LRRC28: variants seen among roughly 807,000 people sequenced by gnomAD.
LRRC28 encodes leucine rich repeat containing 28, also known as leucine-rich repeat-containing protein 28.
LRRC28 carries 39 observed loss-of-function variants against 45.7 expected under a neutral mutation model. The observed-to-expected ratio is 0.85, with a 90% CI of 0.66 to 1.12. The LOEUF (loss-of-function observed/expected upper bound fraction) is 1.12. LRRC28 is among the 50% of genes most tolerant of loss of function. The pLI, the probability that LRRC28 is intolerant of heterozygous loss-of-function variation, is 0.00. For synonymous variants in LRRC28, 206 were observed against 178.8 expected, an observed-to-expected ratio of 1.15 and a Z score of -1.22; for missense variants, 435 against 438.5, an observed-to-expected ratio of 0.99 and a Z score of 0.07.
At chr15:99,295,893 T>G (rs1161391471) in intron 5 of LRRC28, among the ~76,000 whole-genome samples, 1 of 152,228 alleles carries the variant, frequency 6.6e-6, no homozygotes, top group Non-Finnish European at 1.5e-5. Flanking sequence ...TAAAATTTAC[T>G]TTTTCTCCAG....
At chr15:99,311,175 C>T (rs886358330) in intron 5 of LRRC28, among the ~76,000 whole-genome samples, 1 of 152,060 alleles carries the variant, frequency 6.6e-6, no homozygotes, top group African/African-American at 2.4e-5. Context: ...GTCTTGGGGA[C>T]ATGGAATAAA....
intron 2 of LRRC28, chr15:99,258,887 A>G: frequency 1.4e-6 from 1 of 712,296 alleles, no homozygotes; most frequent in Admixed American, 1.8e-5. Context: ...CTTCCGTGAT[A>G]CGATGCCTAA....
intron 5 of LRRC28, among the ~76,000 whole-genome samples, chr15:99,316,177 A>C (rs886223266): frequency 1.3e-5 from 2 of 152,204 alleles, no homozygotes; most frequent in African/African-American, 4.8e-5. Context: ...ATATTTCTGA[A>C]TGTAAGGTTA....
chr15:99,363,463 CAT>C, intron 9 of LRRC28, 198 bp downstream of exon 9: 2 of 543,542 alleles, frequency 3.7e-6, no homozygotes, highest in South Asian at 5.1e-5. Flanking sequence ...ATTTTTTGGT[CAT>C]GTGCTGGACA....
At chr15:99,284,864 G>A (rs775439079) in intron 3 of LRRC28, 102 of 567,428 alleles carry the variant, frequency 1.8e-4, no homozygotes, top group Admixed American at 1.3e-3. Flanking sequence ...CATCCCCACT[G>A]CCACCATATC....
At chr15:99,372,604 C>G (rs1048826330) in intron 9 of LRRC28, among the ~76,000 whole-genome samples, 3 of 152,160 alleles carry the variant, frequency 2.0e-5, no homozygotes, top group Non-Finnish European at 2.9e-5. Flanking sequence ...AGTACACAGC[C>G]TTGGGATTTA....
intron 2 of LRRC28, among the ~76,000 whole-genome samples, chr15:99,262,784 C>T (rs2081232667): frequency 1.3e-5 from 2 of 151,654 alleles, no homozygotes; most frequent in African/African-American, 4.8e-5. Context: ...GCTGGGACTA[C>T]AAGCACACAC....
chr15:99,257,405 ATGTT>A (rs1218210905), intron 2 of LRRC28, among the ~76,000 whole-genome samples: 1 of 152,174 alleles, frequency 6.6e-6, no homozygotes, highest in East Asian at 1.9e-4. Context: ...AGATTTTCCC[ATGTT>A]TGTTCTTTAT....
At chr15:99,337,681 C>A (rs1452731782) in intron 6 of LRRC28, among the ~76,000 whole-genome samples, 1 of 152,234 alleles carries the variant, frequency 6.6e-6, no homozygotes, top group African/African-American at 2.4e-5. Flanking sequence ...AGAGGGTCTG[C>A]TCTGCACTTT....
At chr15:99,290,386 C>G (rs902264207) in intron 5 of LRRC28, among the ~76,000 whole-genome samples, 3 of 151,924 alleles carry the variant, frequency 2.0e-5, no homozygotes, top group African/African-American at 7.3e-5. Context: ...AAATTTTTGA[C>G]ACAATACAGG....
chr15:99,311,583 G>A (rs1280874979), intron 5 of LRRC28, among the ~76,000 whole-genome samples: 1 of 152,134 alleles, frequency 6.6e-6, no homozygotes, highest in Non-Finnish European at 1.5e-5. Context: ...ATCTTAACAT[G>A]GGTTGGCAAA....
chr15:99,294,094 A>G (rs548988896), intron 5 of LRRC28, among the ~76,000 whole-genome samples: 8 of 152,148 alleles, frequency 5.3e-5, no homozygotes, highest in Non-Finnish European at 1.2e-4. Flanking sequence ...TGACTGCATT[A>G]AGATTTCTCT....
chr15:99,383,157 A>G (rs777969887), intron 9 of LRRC28, among the ~76,000 whole-genome samples: 20 of 151,902 alleles, frequency 1.3e-4, no homozygotes, highest in Non-Finnish European at 2.5e-4. Flanking sequence ...AGGCTTATCT[A>G]CTTTCTGTCT....
intron 5 of LRRC28, among the ~76,000 whole-genome samples, chr15:99,324,492 G>A (rs1224345631): frequency 1.3e-5 from 2 of 152,114 alleles, no homozygotes; most frequent in Admixed American, 1.3e-4. Flanking sequence ...ACTCTCTGTG[G>A]TCACTAGCTT....
chr15:99,330,143 G>A (rs1353685191), intron 5 of LRRC28, among the ~76,000 whole-genome samples: 1 of 152,046 alleles, frequency 6.6e-6, no homozygotes, highest in Non-Finnish European at 1.5e-5. Flanking sequence ...TTTCAGGATT[G>A]TGATTTTCAT....
At chr15:99,285,668 A>T in intron 3 of LRRC28, 1 of 598,250 alleles carries the variant, frequency 1.7e-6, no homozygotes, top group South Asian at 2.0e-5. Context: ...TCTTGATTAT[A>T]TGTAGATAAT....
chr15:99,271,162 G>A (rs1485667959), intron 2 of LRRC28, among the ~76,000 whole-genome samples: 1 of 152,146 alleles, frequency 6.6e-6, no homozygotes, highest in Non-Finnish European at 1.5e-5. Context: ...CTGGATGCTA[G>A]ACCTTTGCCA....
At chr15:99,288,258 A>G (rs1385450279) in intron 5 of LRRC28, among the ~76,000 whole-genome samples, 1 of 152,134 alleles carries the variant, frequency 6.6e-6, no homozygotes, top group East Asian at 1.9e-4. Context: ...TCTGAATTTC[A>G]CATAAGAGAA....
chr15:99,300,827 GAAAAT>G (rs957569327), intron 5 of LRRC28, among the ~76,000 whole-genome samples: 10 of 152,216 alleles, frequency 6.6e-5, no homozygotes, highest in Admixed American at 2.6e-4. Context: ...CCCTGTCTAA[GAAAAT>G]AAAATAAAAT....
Sources: gnomAD v4.1 joint callset for allele counts (sites outside exome capture counted in the v4.1 genomes callset) on GRCh38, gnomAD v4.1.1 for gene constraint, MANE v1.5 for transcripts, NCBI Gene and HGNC (gene_info 2026-07-23, HGNC 2026-07-21) for gene names.